Variants in MS4A1 observed in about 807,000 individuals in gnomAD.
MS4A1 encodes the protein membrane spanning 4-domains A1.
A neutral mutation model predicts 26.5 loss-of-function variants in MS4A1; 16 were observed. The observed-to-expected ratio is 0.60, with a 90% CI of 0.41 to 0.92. The LOEUF (loss-of-function observed/expected upper bound fraction) is 0.92. Among genes scored for constraint, MS4A1 ranks in the 40% least tolerant of loss-of-function variants. The probability of loss-of-function intolerance (pLI) is 0.00; values close to 1 mark genes in which losing one functional copy is unlikely to be tolerated. For synonymous variants in MS4A1, 128 were observed against 117.6 expected (o/e 1.09, Z -0.57); for missense variants, 350 against 353.0 (o/e 0.99, Z 0.07).
rs776822308 is a variant in MS4A1, at chr11:60,462,475, T to A, written c.101T>A (p.Met34Lys). 1 of 1,614,204 alleles carries A rather than the reference T, an allele frequency of 6.2e-7. No homozygotes were observed. The highest frequency in any genetic ancestry group is 1.1e-5 in the South Asian group (1 of 91,090). Residue 34 changes from methionine (M) to lysine (K), a missense_variant, in exon 3 of 8, where the codon ATG becomes AAG. Transcript: ENST00000345732. ...GGTCCAAAACCACTCTTCAGGAGGA[T>A]GTCTTCACTGGTGGGCCCCACGCAA... Reference protein sequence around the residue: ...QSGPKPLFRRMSSLVGPTQSF... With the variant: ...QSGPKPLFRRKSSLVGPTQSF...
Position 60,462,398 on chromosome 11 carries a change from A to C in MS4A1, c.24A>C (p.Val8=). 2.5e-6 allele frequency: 4 copies of C among 1,614,218 alleles called. No homozygotes were observed. The highest frequency in any genetic ancestry group is 3.4e-6 in the Non-Finnish European group (4 of 1,180,034). Residue 8 remains valine (V), a synonymous_variant, in exon 3 of 8, where the codon GTA becomes GTC. Transcript: ENST00000345732. Reference sequence around the variant, plus strand: ...AAATGACAACACCCAGAAATTCAGTAAATGGGACTTTCCCGGCAGAGCCAA... The same window carrying C: ...AAATGACAACACCCAGAAATTCAGTCAATGGGACTTTCCCGGCAGAGCCAA... MTTPRNS[V]NGTFPAEPMK...
Position 60,462,413 on chromosome 11 carries a change from G to A in MS4A1, c.39G>A (p.Pro13=), listed in dbSNP as rs34109768. The change falls in exon 3 of 8, where the codon CCG becomes CCA. Residue 13 remains proline (P), a synonymous_variant. Transcript: ENST00000345732. ...GAAATTCAGTAAATGGGACTTTCCC[G>A]GCAGAGCCAATGAAAGGCCCTATTG... ...TPRNSVNGTF[P]AEPMKGPIAM... 137 of 1,614,036 alleles carry A rather than the reference G, an allele frequency of 8.5e-5. No individual in the cohort carries two copies. Among genetic ancestry groups the A allele is most frequent in the South Asian group, 3.6e-4 (33 of 91,078 alleles).
In MS4A1 at chr11:60,463,070, C is replaced by A. The variant is rs1224368035; in HGVS notation, c.228C>A (p.Ile76=). The change falls in exon 4 of 8, where the codon ATC becomes ATA. Residue 76 remains isoleucine, a synonymous_variant. Transcript: ENST00000345732. ...LGGLLMIPAG[I]YAPICVTVWY... is the part of the protein sequence containing the mutation. Reference sequence around the variant, plus strand: ...GTCTTCTGATGATCCCAGCAGGGATCTATGCACCCATCTGTGTGACTGTGT... The same window carrying A: ...GTCTTCTGATGATCCCAGCAGGGATATATGCACCCATCTGTGTGACTGTGT... 1 of 1,614,002 alleles carries A rather than the reference C, an allele frequency of 6.2e-7. No homozygotes were observed. Among genetic ancestry groups the A allele is most frequent in the African/African-American group, 1.3e-5 (1 of 74,892 alleles).
Position 60,463,052 on chromosome 11 carries a change from G to A in MS4A1, c.210G>A (p.Leu70=). 1 of 1,614,120 alleles carries A rather than the reference G, an allele frequency of 6.2e-7. No homozygotes were observed. Among genetic ancestry groups the A allele is most frequent in the Non-Finnish European group, 8.5e-7 (1 of 1,179,998 alleles). ...GLFHIALGGL[L]MIPAGIYAPI... ...TCCACATTGCCCTGGGGGGTCTTCT[G>A]ATGATCCCAGCAGGGATCTATGCAC... Residue 70 remains leucine (L), a synonymous_variant, in exon 4 of 8, where the codon CTG becomes CTA. Transcript: ENST00000345732.
intron 4 of MS4A1, chr11:60,463,830 G>T (rs745809509): frequency 2.2e-6 from 1 of 455,360 alleles, no homozygotes; most frequent in South Asian, 1.6e-5. Flanking sequence ...TGTTTTCATG[G>T]AGTGCCTGTG....
In MS4A1 at chr11:60,462,496, C is replaced by T. The variant is rs147754874; in HGVS notation, c.122C>T (p.Thr41Met). 5.6e-5 allele frequency: 90 copies of T among 1,614,190 alleles called. 1 individual carries two copies. In the South Asian group the frequency reaches 6.4e-4, roughly 11 times the overall value. Residue 41 changes from threonine to methionine, a missense_variant, in exon 3 of 8, where the codon ACG becomes ATG. Coordinates refer to ENST00000345732, the MANE Select transcript of MS4A1 (RefSeq NM_152866.3). Reference sequence around the variant, plus strand: ...AGGATGTCTTCACTGGTGGGCCCCACGCAAAGCTTCTTCATGAGGGAATCT... The same window carrying T: ...AGGATGTCTTCACTGGTGGGCCCCATGCAAAGCTTCTTCATGAGGGAATCT... ...FRRMSSLVGP[T>M]QSFFMRESKT...
chr11:60,465,353 G>C (rs1242299368), intron 5 of MS4A1, among the ~76,000 whole-genome samples: 2 of 152,174 alleles, frequency 1.3e-5, no homozygotes, highest in African/African-American at 4.8e-5. Flanking sequence ...TAGCTGACTG[G>C]GGCTGATTGC....
At chr11:60,458,031 A>G (rs2086218094) in intron 1 of MS4A1, 1 of 152,350 alleles carries the variant, frequency 6.6e-6, no homozygotes, top group Middle Eastern at 3.4e-3. Flanking sequence ...GAAGGTAACT[A>G]TTACCTTAAA....
intron 6 of MS4A1, chr11:60,466,709 C>T (rs1353961160): frequency 6.0e-6 from 3 of 502,998 alleles, no homozygotes; most frequent in Non-Finnish European, 1.1e-5. Context: ...GATTCTTCAA[C>T]TGATTATTCA....
chr11:60,457,660 C>T (rs1484675131), intron 1 of MS4A1, among the ~76,000 whole-genome samples: 1 of 152,104 alleles, frequency 6.6e-6, no homozygotes, highest in African/African-American at 2.4e-5. Context: ...CTATCTAAGC[C>T]TGGGTGGCAG....
chr11:60,457,142 C>T lies in MS4A1; in HGVS notation c.-280+1197C>T, dbSNP rs145544335. 2.6e-3 allele frequency among the ~76,000 whole-genome samples: 396 copies of T among 152,286 alleles called. 3 individuals are homozygous for T. The highest frequency in any genetic ancestry group is 8.9e-3 in the African/African-American group (371 of 41,554). ...TGCAATCAGGCAAGGAGAGCAGGAA[C>T]GCCCTCAGGTGATGTGCATATCTAA... On this transcript the variant is annotated intron_variant, in intron 1 of 7. Coordinates refer to ENST00000345732, the MANE Select transcript of MS4A1 (RefSeq NM_152866.3).
intron 7 of MS4A1, 130 bp downstream of exon 7, chr11:60,467,190 G>C (rs1469056957): frequency 1.3e-6 from 1 of 767,418 alleles, no homozygotes; most frequent in Non-Finnish European, 2.2e-6. Flanking sequence ...AATTGGTCTT[G>C]GCATATTTCT....
At chr11:60,456,035 T>C (rs1231563134) in intron 1 of MS4A1, 90 bp downstream of exon 1, 2 of 152,196 alleles carry the variant, frequency 1.3e-5, no homozygotes, top group East Asian at 3.8e-4. Context: ...TTCTTGATCT[T>C]AATTCTAGAG....
At chr11:60,466,210 G>T in intron 6 of MS4A1, 53 bp downstream of exon 6, 1 of 1,385,368 alleles carries the variant, frequency 7.2e-7, no homozygotes. Context: ...GAGGAAGGAT[G>T]ACTTGTTTAT....
At chr11:60,456,778 T>C (rs2135190324) in intron 1 of MS4A1, among the ~76,000 whole-genome samples, 1 of 152,282 alleles carries the variant, frequency 6.6e-6, no homozygotes, top group Non-Finnish European at 1.5e-5. Context: ...TGAGCATTTT[T>C]GTGTGTGTGT....
At chr11:60,459,071 G>A (rs143549696) in intron 1 of MS4A1, among the ~76,000 whole-genome samples, 243 of 152,140 alleles carry the variant, frequency 1.6e-3, no homozygotes, top group African/African-American at 4.8e-3. Flanking sequence ...AGTTTATCTC[G>A]CCAATAATAC....
intron 6 of MS4A1, among the ~76,000 whole-genome samples, chr11:60,466,399 T>C (rs1483869560): frequency 1.3e-5 from 2 of 152,198 alleles, no homozygotes; most frequent in African/African-American, 4.8e-5. Flanking sequence ...ATACAAAGCA[T>C]TTAGAACAGT....
intron 6 of MS4A1, chr11:60,466,615 G>A (rs2086293939): frequency 8.5e-6 from 3 of 350,972 alleles, no homozygotes; most frequent in East Asian, 6.8e-5. Flanking sequence ...GGATGAAGAG[G>A]TCTCCTAGGC....
At chr11:60,465,080 G>T (rs2086279932) in intron 5 of MS4A1, among the ~76,000 whole-genome samples, 1 of 152,246 alleles carries the variant, frequency 6.6e-6, no homozygotes, top group Non-Finnish European at 1.5e-5. Context: ...GACACACTCA[G>T]TTTGGGGGGA....
Sources: gnomAD v4.1 joint callset for allele counts (sites outside exome capture counted in the v4.1 genomes callset) on GRCh38, gnomAD v4.1.1 for gene constraint, MANE v1.5 for transcripts, NCBI Gene and HGNC (gene_info 2026-07-23, HGNC 2026-07-21) for gene names.